The following MGST1 variants were observed in gnomAD, a reference collection of about 807,000 sequenced individuals.
MGST1 encodes the protein microsomal glutathione S-transferase 1, also known as glutathione S-transferase 12.
In MGST1, 5 loss-of-function variants were observed where a neutral mutation model predicts 8.9. That is an observed-to-expected ratio of 0.56 (90% CI 0.29 to 1.19). MGST1 has a LOEUF of 1.19. Among genes scored for constraint, MGST1 ranks in the 50% most tolerant of loss-of-function variants. MGST1 has a pLI of 0.08. For synonymous variants in MGST1, 54 were observed against 67.8 expected (o/e 0.80, Z 1.00); for missense variants, 182 against 187.4 (o/e 0.97, Z 0.17).
chr12:16,563,398 T>C (rs557233753), intron 4 of MGST1, among the ~76,000 whole-genome samples: 7 of 152,336 alleles, frequency 4.6e-5, no homozygotes, highest in Admixed American at 2.6e-4. Flanking sequence ...TATAATGTTA[T>C]CCTTTGGTTT....
intron 1 of MGST1, among the ~76,000 whole-genome samples, chr12:16,421,468 A>G (rs1407708186): frequency 6.6e-6 from 1 of 152,206 alleles, no homozygotes; most frequent in Non-Finnish European, 1.5e-5. Context: ...AATTCCCCAA[A>G]TGGGATCACT....
intron 4 of MGST1, among the ~76,000 whole-genome samples, chr12:16,580,315 A>C (rs887024362): frequency 6.6e-6 from 1 of 152,192 alleles, no homozygotes; most frequent in Non-Finnish European, 1.5e-5. Flanking sequence ...TACTGGGAGC[A>C]CTAGGAATAG....
chr12:16,532,776 T>C (rs1183406770), intron 4 of MGST1, among the ~76,000 whole-genome samples: 1 of 152,170 alleles, frequency 6.6e-6, no homozygotes, highest in Admixed American at 6.5e-5. Flanking sequence ...ACAAATCTGC[T>C]GTTTCATGTA....
intron 1 of MGST1, among the ~76,000 whole-genome samples, chr12:16,432,666 C>G (rs1940948206): frequency 6.9e-6 from 1 of 145,016 alleles, no homozygotes; most frequent in African/African-American, 2.6e-5. Context: ...GCAAATCTCT[C>G]CTCTCTCTCT....
At chr12:16,516,018 C>G (rs1378951863) in intron 4 of MGST1, among the ~76,000 whole-genome samples, 2 of 152,116 alleles carry the variant, frequency 1.3e-5, no homozygotes, top group Non-Finnish European at 2.9e-5. Flanking sequence ...CTGTAAACCG[C>G]CCCCCACCCT....
chr12:16,359,019 A>C lies in MGST1; in HGVS notation c.221+1320A>C, dbSNP rs1016960829. ...CTCTATGCATGTTTCCATATTCTGCAATTGGTTATGCTGGATGTTAATCCA... is the reference window on the plus strand; with the variant it reads ...CTCTATGCATGTTTCCATATTCTGCCATTGGTTATGCTGGATGTTAATCCA... On this transcript the variant is annotated intron_variant, in intron 3 of 3. Coordinates refer to ENST00000396210, the MANE Select transcript of MGST1 (RefSeq NM_020300.5). 2.0e-5 allele frequency among the ~76,000 whole-genome samples: 3 copies of C among 151,946 alleles called. No individual in the cohort carries two copies. In the East Asian group the frequency reaches 5.8e-4, roughly 30 times the overall value.
chr12:16,556,611 T>C (rs1048531171), intron 4 of MGST1, among the ~76,000 whole-genome samples: 1 of 152,230 alleles, frequency 6.6e-6, no homozygotes, highest in Non-Finnish European at 1.5e-5. Flanking sequence ...GCCTATGAAT[T>C]ACCTATTTGC....
intron 3 of MGST1, chr12:16,370,415 T>C (rs1565441185): frequency 1.3e-5 from 2 of 152,254 alleles, no homozygotes. Flanking sequence ...ATTTAATCAG[T>C]TTCTGATTAT....
At chr12:16,501,098 GAAAAAAA>G (rs71054822) in intron 4 of MGST1, among the ~76,000 whole-genome samples, 100 of 83,804 alleles carry the variant, frequency 1.2e-3, no homozygotes, top group Non-Finnish European at 1.8e-3. Context: ...ACTCTGTCTC[GAAAAAAA>G]AAAAAAAAAA....
chr12:16,575,503 G>C (rs1942965693), intron 4 of MGST1, among the ~76,000 whole-genome samples: 1 of 152,162 alleles, frequency 6.6e-6, no homozygotes, highest in South Asian at 2.1e-4. Flanking sequence ...TGTTTATTGA[G>C]CCCTGTCTCT....
At chr12:16,394,513 C>CCTTTCTTTCTTT (rs766001588) in intron 1 of MGST1, among the ~76,000 whole-genome samples, 48 of 84,470 alleles carry the variant, frequency 5.7e-4, no homozygotes, top group African/African-American at 1.5e-3. Context: ...TCTTTCTCTC[C>CCTTTCTTTCTTT]CTTTCTTTCT....
downstream of MGST1, among the ~76,000 whole-genome samples, chr12:16,381,067 C>T (rs908291656): frequency 1.3e-5 from 2 of 152,186 alleles, no homozygotes. Context: ...GAATACAGCA[C>T]ACTGATGTGT....
chr12:16,400,163 G>T, intron 1 of MGST1: 2 of 1,251,160 alleles, frequency 1.6e-6, no homozygotes, highest in Non-Finnish European at 2.4e-6. Context: ...TCATGCATAT[G>T]TTGATGTTTC....
At chr12:16,398,167 G>A (rs1940622074) in intron 1 of MGST1, among the ~76,000 whole-genome samples, 1 of 151,262 alleles carries the variant, frequency 6.6e-6, no homozygotes, top group Non-Finnish European at 1.5e-5. Flanking sequence ...TTACTGCTAA[G>A]GAGAAAAAAC....
At chr12:16,417,305 T>C (rs1940796172) in intron 1 of MGST1, among the ~76,000 whole-genome samples, 1 of 150,748 alleles carries the variant, frequency 6.6e-6, no homozygotes, top group African/African-American at 2.4e-5. Flanking sequence ...TCAGATCTTG[T>C]GAGAACTCAC....
chr12:16,490,001 G>A (rs1253721298), intron 4 of MGST1, among the ~76,000 whole-genome samples: 3 of 152,110 alleles, frequency 2.0e-5, no homozygotes, highest in South Asian at 2.1e-4. Context: ...GGTGGCTCAT[G>A]TCTATAATCC....
chr12:16,549,738 C>T (rs551990473), intron 4 of MGST1: 41 of 152,186 alleles, frequency 2.7e-4, no homozygotes, highest in African/African-American at 9.6e-4. Flanking sequence ...AGTTCTATTA[C>T]AGGGAGCAAA....
At chr12:16,474,334 C>T (rs1228409073) in intron 4 of MGST1, among the ~76,000 whole-genome samples, 1 of 152,162 alleles carries the variant, frequency 6.6e-6, no homozygotes, top group Non-Finnish European at 1.5e-5. Context: ...TTTAATTTTA[C>T]ATTTCATCAG....
chr12:16,371,914 C>G (rs1383155706), intron 3 of MGST1, among the ~76,000 whole-genome samples: 1 of 151,920 alleles, frequency 6.6e-6, no homozygotes, highest in African/African-American at 2.4e-5. Flanking sequence ...AACAAAGGTA[C>G]CAAGAACATG....
Sources: gnomAD v4.1 joint callset for allele counts (sites outside exome capture counted in the v4.1 genomes callset) on GRCh38, gnomAD v4.1.1 for gene constraint, MANE v1.5 for transcripts, NCBI Gene and HGNC (gene_info 2026-07-23, HGNC 2026-07-21) for gene names.